ZBTB7C: variants seen among roughly 807,000 people sequenced by gnomAD.
ZBTB7C encodes the protein zinc finger and BTB domain containing 7C.
Under a neutral mutation model 25.7 loss-of-function variants are expected in ZBTB7C, and 8 were observed. The observed-to-expected ratio is 0.31, with a 90% confidence interval of 0.18 to 0.56. ZBTB7C has a LOEUF of 0.56. Among genes scored for constraint, ZBTB7C ranks in the 20% least tolerant of loss-of-function variants. ZBTB7C has a pLI of 0.91. For missense variants in ZBTB7C, 824 were observed against 855.2 expected, an observed-to-expected ratio of 0.96 and a Z score of 0.46; for synonymous variants, 394 against 369.0, an observed-to-expected ratio of 1.07 and a Z score of -0.78.
At chr18:48,324,113 C>T (rs1193447296) in intron 2 of ZBTB7C, among the ~76,000 whole-genome samples, 1 of 152,182 alleles carries the variant, frequency 6.6e-6, no homozygotes, top group African/African-American at 2.4e-5. Flanking sequence ...CTTGGACCTC[C>T]CAGCTTCCAG....
intron 2 of ZBTB7C, among the ~76,000 whole-genome samples, chr18:48,290,219 C>G (rs2045181146): frequency 1.3e-5 from 2 of 152,266 alleles, no homozygotes; most frequent in Admixed American, 6.5e-5. Context: ...GCTCCTGTTA[C>G]TCCAGGCCAT....
intron 3 of ZBTB7C, among the ~76,000 whole-genome samples, chr18:48,170,365 TG>T (rs1445408636): frequency 6.6e-6 from 1 of 152,138 alleles, no homozygotes; most frequent in Non-Finnish European, 1.5e-5. Context: ...TCAAAGCTCT[TG>T]GGGGGCCTGG....
intron 2 of ZBTB7C, among the ~76,000 whole-genome samples, chr18:48,278,683 C>T (rs1306305477): frequency 6.6e-6 from 1 of 152,196 alleles, no homozygotes; most frequent in Non-Finnish European, 1.5e-5. Context: ...CTGCCTCAGC[C>T]TCCCAAAGTG....
At chr18:48,250,684 G>A (rs536107230) in intron 2 of ZBTB7C, among the ~76,000 whole-genome samples, 1 of 152,024 alleles carries the variant, frequency 6.6e-6, no homozygotes, top group South Asian at 2.1e-4. Flanking sequence ...GCAATTTTCT[G>A]ACAAACTTTA....
In ZBTB7C at chr18:48,190,385, C is replaced by T. The variant is rs150222176; in HGVS notation, c.-78-4390G>A. On this transcript the variant is annotated intron_variant, in intron 2 of 4. Transcript: ENST00000590800. ...TAGATTCAACACATTTGTTGAGTAC[C>T]TGCTGGGGATGCAGATATGAAAAGG... 2.1e-3 allele frequency among the ~76,000 whole-genome samples: 323 copies of T among 152,252 alleles called. 2 individuals carry two copies. The highest frequency in any genetic ancestry group is 7.4e-3 in the African/African-American group (309 of 41,548).
At chr18:48,072,700 G>C (rs1254381622) in intron 3 of ZBTB7C, 1 of 152,274 alleles carries the variant, frequency 6.6e-6, no homozygotes, top group Non-Finnish European at 1.5e-5. Context: ...ATATTTTTAG[G>C]ATGGGATGCT....
intron 1 of ZBTB7C, among the ~76,000 whole-genome samples, chr18:48,398,743 G>A (rs1377359718): frequency 6.6e-6 from 1 of 150,714 alleles, no homozygotes; most frequent in Non-Finnish European, 1.5e-5. Context: ...CCCCACCTTT[G>A]CCTGGCCTAG....
chr18:48,158,878 G>A (rs1348941979), intron 3 of ZBTB7C, among the ~76,000 whole-genome samples: 4 of 152,192 alleles, frequency 2.6e-5, no homozygotes, highest in African/African-American at 4.8e-5. Flanking sequence ...AAGCCGCTGG[G>A]GGAAGGGACA....
intron 3 of ZBTB7C, chr18:48,165,313 C>T (rs1339426408): frequency 6.7e-6 from 3 of 446,678 alleles, no homozygotes; most frequent in African/African-American, 6.0e-5. Flanking sequence ...TCTAAGACAA[C>T]ACTCCGACGT....
rs1330817136 is a variant in ZBTB7C at position 48,040,362 on chromosome 18, G to C, written c.746C>G (p.Ser249Cys). 22 of 1,610,664 alleles carry C rather than the reference G, an allele frequency of 1.4e-5. No individual in the cohort carries two copies. The highest frequency in any genetic ancestry group is 1.9e-5 in the Non-Finnish European group (22 of 1,178,332). ...ANIPDRRPSL[S>C]PFAPDFFPHL... is the part of the protein sequence containing the mutation. ...TGGAAAGAAGTCCGGGGCGAATGGA[G>C]ACAAGGAGGGTCTCCTGTCGGGGAT... The change falls in exon 4 of 5, where the codon TCT (serine) becomes TGT (cysteine). Residue 249 changes from serine to cysteine, a missense_variant. Transcript: ENST00000590800.
At chr18:48,037,508 A>G (rs1436757997) in intron 4 of ZBTB7C, among the ~76,000 whole-genome samples, 1 of 152,264 alleles carries the variant, frequency 6.6e-6, no homozygotes, top group Non-Finnish European at 1.5e-5. Context: ...GTCTGTCTGC[A>G]GTGACTACGC....
chr18:48,054,369 C>G (rs972143877), intron 3 of ZBTB7C, among the ~76,000 whole-genome samples: 5 of 152,218 alleles, frequency 3.3e-5, no homozygotes, highest in Non-Finnish European at 1.5e-5. Flanking sequence ...TTCTCTACCC[C>G]AGACCTCCAT....
At chr18:48,051,620 G>A (rs1055948616) in intron 3 of ZBTB7C, among the ~76,000 whole-genome samples, 3 of 151,974 alleles carry the variant, frequency 2.0e-5, no homozygotes, top group Non-Finnish European at 1.5e-5. Flanking sequence ...GAGTGGGGGC[G>A]CTCGCATCTT....
chr18:48,366,891 A>T (rs1325147208), intron 1 of ZBTB7C, among the ~76,000 whole-genome samples: 1 of 152,096 alleles, frequency 6.6e-6, no homozygotes, highest in Non-Finnish European at 1.5e-5. Flanking sequence ...ATACATGTGC[A>T]TGCTTACATA....
At chr18:48,094,870 C>T (rs1310366010) in intron 3 of ZBTB7C, among the ~76,000 whole-genome samples, 1 of 152,176 alleles carries the variant, frequency 6.6e-6, no homozygotes, top group African/African-American at 2.4e-5. Flanking sequence ...CTGAATGGTT[C>T]TACCTGGATG....
intron 1 of ZBTB7C, among the ~76,000 whole-genome samples, chr18:48,342,518 G>A (rs1598911438): frequency 6.6e-6 from 1 of 152,208 alleles, no homozygotes; most frequent in African/African-American, 2.4e-5. Context: ...CTCCAGCCTT[G>A]TTAGGGGAAG....
At chr18:48,291,031 G>A (rs1233105852) in intron 2 of ZBTB7C, among the ~76,000 whole-genome samples, 2 of 152,174 alleles carry the variant, frequency 1.3e-5, no homozygotes, top group Admixed American at 1.3e-4. Flanking sequence ...TGGGTGCCTG[G>A]TATCATCACC....
Position 48,167,563 on chromosome 18 carries a change from G to GGTGTGTGTGTGTGTGTTTGTGTGTGT in ZBTB7C, c.-17+18370_-17+18371insACACACACAAACACACACACACACAC, listed in dbSNP as rs1555705393. On this transcript the variant is annotated intron_variant, in intron 3 of 4. Coordinates refer to ENST00000590800, the MANE Select transcript of ZBTB7C (RefSeq NM_001318841.2). ...TAAATGCAGGCCACTGCATTGCTAG[G>GGTGTGTGTGTGTGTGTTTGTGTGTGT]GTGTGTGTGTGTGTGTGTGTGTGTG... is the stretch of plus-strand genomic sequence containing the variant. 4.4e-3 allele frequency among the ~76,000 whole-genome samples: 634 copies of GGTGTGTGTGTGTGTGTTTGTGTGTGT among 142,556 alleles called. 6 individuals are homozygous for GGTGTGTGTGTGTGTGTTTGTGTGTGT. Among genetic ancestry groups the GGTGTGTGTGTGTGTGTTTGTGTGTGT allele is most frequent in the Middle Eastern group, 3.7e-3 (1 of 270 alleles). The allele number at this position is 142,556 out of a possible 152,430, so 93.5% of individuals were successfully genotyped here.
chr18:48,047,990 T>A (rs1265183108), intron 3 of ZBTB7C, among the ~76,000 whole-genome samples: 1 of 152,200 alleles, frequency 6.6e-6, no homozygotes, highest in East Asian at 1.9e-4. Flanking sequence ...CCAAAGCTCA[T>A]ATTTGTTCCC....
Sources: gnomAD v4.1 joint callset for allele counts (sites outside exome capture counted in the v4.1 genomes callset) on GRCh38, gnomAD v4.1.1 for gene constraint, MANE v1.5 for transcripts, NCBI Gene and HGNC (gene_info 2026-07-23, HGNC 2026-07-21) for gene names.